Variants in RBFOX1 observed in about 807,000 individuals in gnomAD.
RBFOX1 encodes RNA binding fox-1 homolog 1, also known as RNA binding protein fox-1 homolog 1.
A neutral mutation model predicts 57.7 loss-of-function variants in RBFOX1; 8 were observed. The ratio of observed to expected loss-of-function variants is 0.14; its 90% confidence interval spans 0.08 to 0.25. RBFOX1 has a LOEUF of 0.25. Among genes scored for constraint, RBFOX1 ranks in the 10% least tolerant of loss-of-function variants. RBFOX1 has a pLI of 1.00. For missense variants in RBFOX1, 611 were observed against 548.5 expected (o/e 1.11, Z -1.14); for synonymous variants, 326 against 222.4 (o/e 1.47, Z -4.15).
chr16:6,414,151 C>G (rs979035638), intron 2 of RBFOX1, among the ~76,000 whole-genome samples: 4 of 152,096 alleles, frequency 2.6e-5, no homozygotes, highest in Admixed American at 6.5e-5. Flanking sequence ...ATGAAAAACT[C>G]TTGGAGGCTT....
At chr16:6,809,500 C>T (rs747071906) in intron 3 of RBFOX1, among the ~76,000 whole-genome samples, 1 of 152,132 alleles carries the variant, frequency 6.6e-6, no homozygotes, top group East Asian at 1.9e-4. Context: ...CATTGAAGAG[C>T]TGTCATTCAC....
intron 2 of RBFOX1, among the ~76,000 whole-genome samples, chr16:6,362,945 C>T (rs1032056539): frequency 6.6e-6 from 1 of 152,156 alleles, no homozygotes; most frequent in Non-Finnish European, 1.5e-5. Context: ...ATGAGCAAGG[C>T]TAAAAGGTTG....
chr16:5,594,297 G>T (rs905768839), intron 2 of RBFOX1, among the ~76,000 whole-genome samples: 5 of 152,064 alleles, frequency 3.3e-5, no homozygotes, highest in African/African-American at 1.2e-4. Flanking sequence ...TTCATAGGTG[G>T]GCACATAAAC....
chr16:6,573,307 C>G (rs191323596), intron 2 of RBFOX1, among the ~76,000 whole-genome samples: 39 of 152,294 alleles, frequency 2.6e-4, no homozygotes, highest in Admixed American at 2.1e-3. Context: ...GCCATACCCT[C>G]CCCTAGAAAG....
intron 1 of RBFOX1, among the ~76,000 whole-genome samples, chr16:5,374,189 C>T (rs566144794): frequency 3.3e-5 from 5 of 152,350 alleles, no homozygotes; most frequent in South Asian, 4.1e-4. Context: ...CCACCCACCT[C>T]GGCCTTCCAA....
chr16:6,668,314 AG>A (rs1295112870), intron 3 of RBFOX1, among the ~76,000 whole-genome samples: 1 of 152,194 alleles, frequency 6.6e-6, no homozygotes, highest in Non-Finnish European at 1.5e-5. Context: ...ATGCCTGCCA[AG>A]GGTGGAGGAG....
chr16:6,860,957 T>C (rs899637739), intron 3 of RBFOX1, among the ~76,000 whole-genome samples: 2 of 152,176 alleles, frequency 1.3e-5, no homozygotes, highest in Non-Finnish European at 2.9e-5. Flanking sequence ...GGTCTATGCA[T>C]ATATGGTAAA....
At chr16:6,443,796 A>C (rs534592963) in intron 2 of RBFOX1, among the ~76,000 whole-genome samples, 1 of 152,108 alleles carries the variant, frequency 6.6e-6, no homozygotes, top group African/African-American at 2.4e-5. Flanking sequence ...CTGCCAGCCT[A>C]CCTATCCATT....
At chr16:7,631,702 A>G (rs1325821034) in intron 11 of RBFOX1, among the ~76,000 whole-genome samples, 4 of 152,148 alleles carry the variant, frequency 2.6e-5, no homozygotes, top group African/African-American at 4.8e-5. Context: ...CAGGAGTACC[A>G]GGCTCAAGGG....
intron 3 of RBFOX1, among the ~76,000 whole-genome samples, chr16:6,809,283 CTTTAAA>C (rs2087793431): frequency 2.6e-5 from 4 of 152,234 alleles, no homozygotes; most frequent in Admixed American, 2.6e-4. Flanking sequence ...AATTAAACTT[CTTTAAA>C]TTTAATTTGG....
chr16:5,722,344 T>A (rs2151536702), intron 3 of RBFOX1, among the ~76,000 whole-genome samples: 1 of 152,348 alleles, frequency 6.6e-6, no homozygotes, highest in South Asian at 2.1e-4. Context: ...TAATTTCACT[T>A]TGCTGGTATA....
intron 4 of RBFOX1, among the ~76,000 whole-genome samples, chr16:7,406,198 A>G (rs940197417): frequency 6.6e-6 from 1 of 152,168 alleles, no homozygotes; most frequent in Non-Finnish European, 1.5e-5. Flanking sequence ...TGACACCTAA[A>G]CATCATGCCT....
intron 2 of RBFOX1, among the ~76,000 whole-genome samples, chr16:6,399,475 C>A (rs553481657): frequency 2.6e-5 from 4 of 152,290 alleles, no homozygotes; most frequent in African/African-American, 9.6e-5. Context: ...GTGAGCTTTG[C>A]TCCAGTTCCC....
intron 3 of RBFOX1, among the ~76,000 whole-genome samples, chr16:6,735,468 A>C (rs913099304): frequency 2.0e-5 from 3 of 152,230 alleles, no homozygotes; most frequent in Non-Finnish European, 4.4e-5. Context: ...GTCGGAGACT[A>C]AATCTTCAGA....
chr16:6,092,965 A>G (rs905418617), intron 1 of RBFOX1: 2 of 152,204 alleles, frequency 1.3e-5, no homozygotes, highest in African/African-American at 2.4e-5. Context: ...ATCAGATGCT[A>G]TGTTTATCAC....
At chr16:5,463,653 AGC>A (rs1349692169) in intron 1 of RBFOX1, among the ~76,000 whole-genome samples, 2 of 152,066 alleles carry the variant, frequency 1.3e-5, no homozygotes, top group Admixed American at 1.3e-4. Context: ...TACAAAAATT[AGC>A]CAGACGTGCT....
chr16:5,850,433 T>C (rs1254809999), intron 3 of RBFOX1, among the ~76,000 whole-genome samples: 1 of 152,170 alleles, frequency 6.6e-6, no homozygotes, highest in Non-Finnish European at 1.5e-5. Flanking sequence ...AGAAATAAAA[T>C]ATTAAGCACT....
chr16:6,102,595 A>G (rs975413042), intron 1 of RBFOX1, among the ~76,000 whole-genome samples: 6 of 151,892 alleles, frequency 4.0e-5, no homozygotes, highest in African/African-American at 7.3e-5. Flanking sequence ...AGCTCACGCC[A>G]CGTCTTCCCT....
At chr16:5,929,322 CT>C (rs1207439814) in intron 4 of RBFOX1, among the ~76,000 whole-genome samples, 2 of 152,074 alleles carry the variant, frequency 1.3e-5, no homozygotes, top group Non-Finnish European at 2.9e-5. Flanking sequence ...AAGCCTCTCT[CT>C]CTCTCTCTCT....
Sources: allele counts gnomAD v4.1 joint callset (sites outside exome capture counted in the v4.1 genomes callset), GRCh38; gene constraint gnomAD v4.1.1; transcripts MANE v1.5; gene names NCBI Gene and HGNC (gene_info 2026-07-23, HGNC 2026-07-21).